DNAH9: variants seen among roughly 807,000 people sequenced by gnomAD.
DNAH9 encodes dynein axonemal heavy chain 9.
A neutral mutation model predicts 471.6 loss-of-function variants in DNAH9; 345 were observed. That is an observed-to-expected ratio of 0.73 (90% CI 0.67 to 0.80). The LOEUF (loss-of-function observed/expected upper bound fraction) is 0.80, where lower values mean the gene tolerates loss of function less well. Among genes scored for constraint, DNAH9 ranks in the 30% least tolerant of loss-of-function variants. The probability of loss-of-function intolerance (pLI) is 0.00; values close to 1 mark genes in which losing one functional copy is unlikely to be tolerated. For missense variants in DNAH9, 5,407 were observed against 5,609.2 expected (o/e 0.96, Z 1.15); for synonymous variants, 2,093 against 2,123.6 (o/e 0.99, Z 0.40).
intron 28 of DNAH9, among the ~76,000 whole-genome samples, chr17:11,730,930 GTGGTGATGACGGTGA>G (rs1389977803): frequency 1.5e-5 from 2 of 130,158 alleles, no homozygotes; most frequent in Admixed American, 8.9e-5. Flanking sequence ...GATGGTGGTG[GTGGTGATGACGGTGA>G]TGATGATGAT....
At chr17:11,617,059 C>T (rs907036157) in intron 4 of DNAH9, among the ~76,000 whole-genome samples, 8 of 152,264 alleles carry the variant, frequency 5.3e-5, no homozygotes, top group African/African-American at 1.4e-4. Context: ...CCAAGCGTCT[C>T]GGCCAGCATT....
Position 11,822,526 on chromosome 17 carries a change from G to T in DNAH9, c.8939G>T (p.Trp2980Leu). 6.2e-7 allele frequency: 1 copy of T among 1,614,168 alleles called. No homozygotes were observed. The highest frequency in any genetic ancestry group is 1.7e-5 in the Admixed American group (1 of 60,016). Reference sequence around the variant, plus strand: ...ATTGTGAACTGCACAGCCATCCACTGGTTCCACGAGTGGCCTCAGCAAGCA... The same window carrying T: ...ATTGTGAACTGCACAGCCATCCACTTGTTCCACGAGTGGCCTCAGCAAGCA... Reference protein sequence around the residue: ...PAIVNCTAIHWFHEWPQQALE... With the variant: ...PAIVNCTAIHLFHEWPQQALE... Residue 2980 changes from tryptophan to leucine, a missense_variant, in exon 47 of 69, where the codon TGG (tryptophan) becomes TTG (leucine). Around this residue, in one of 3 missense-constraint regions of DNAH9, gnomAD observed 4,636 missense variants for 4,900.3 expected, o/e 0.95. Transcript: ENST00000262442.
Position 11,704,315 on chromosome 17 carries a change from C to A in DNAH9, c.5264C>A (p.Ala1755Asp). 1.2e-6 allele frequency: 2 copies of A among 1,614,150 alleles called. No individual in the cohort carries two copies. Among genetic ancestry groups the A allele is most frequent in the Non-Finnish European group, 8.5e-7 (1 of 1,180,020 alleles). ...AMKDYYKKQV[A>D]QLKTLITMLI... Reference sequence around the variant, plus strand: ...AAGGACTATTATAAGAAGCAAGTGGCCCAGCTCAAAACCCTTATCACCATG... The same window carrying A: ...AAGGACTATTATAAGAAGCAAGTGGACCAGCTCAAAACCCTTATCACCATG... Residue 1755 changes from alanine (A) to aspartate (D), a missense_variant, in exon 25 of 69, where the codon GCC (alanine) becomes GAC (aspartate). Transcript: ENST00000262442.
At chr17:11,656,016 A>G (rs1190448132) in intron 14 of DNAH9, among the ~76,000 whole-genome samples, 1 of 152,192 alleles carries the variant, frequency 6.6e-6, no homozygotes, top group Non-Finnish European at 1.5e-5. Context: ...TTGTACTGCT[A>G]TAAACGGGCC....
chr17:11,615,344 G>A (rs2072719785), intron 4 of DNAH9, among the ~76,000 whole-genome samples: 1 of 152,108 alleles, frequency 6.6e-6, no homozygotes, highest in South Asian at 2.1e-4. Flanking sequence ...CAGCACTTTG[G>A]GAGGCTGAGG....
At chr17:11,888,145 G>T (rs1338872350) in intron 57 of DNAH9, among the ~76,000 whole-genome samples, 2 of 151,870 alleles carry the variant, frequency 1.3e-5, no homozygotes, top group African/African-American at 4.8e-5. Context: ...ACCGCACCTG[G>T]CTAATTTTTT....
At chr17:11,718,987 A>ACAGTGTGTCCC (rs985252963) in intron 26 of DNAH9, among the ~76,000 whole-genome samples, 1 of 152,162 alleles carries the variant, frequency 6.6e-6, no homozygotes, top group African/African-American at 2.4e-5. Context: ...AGGATCAGGG[A>ACAGTGTGTCCC]CAAGCTCAGT....
At chr17:11,707,386 T>C (rs2074722216) in intron 26 of DNAH9, among the ~76,000 whole-genome samples, 1 of 152,228 alleles carries the variant, frequency 6.6e-6, no homozygotes, top group Non-Finnish European at 1.5e-5. Flanking sequence ...TCCAAGTATT[T>C]GATAAATATT....
chr17:11,773,519 A>C (rs1198766968), intron 38 of DNAH9, among the ~76,000 whole-genome samples: 1 of 151,984 alleles, frequency 6.6e-6, no homozygotes, highest in African/African-American at 2.4e-5. Context: ...AAATATATAA[A>C]AATTTACTCA....
At chr17:11,941,588 G>A (rs925056859) in intron 66 of DNAH9, among the ~76,000 whole-genome samples, 2 of 152,112 alleles carry the variant, frequency 1.3e-5, no homozygotes. Context: ...AAAGAATCGT[G>A]GGGTACAACA....
intron 29 of DNAH9, among the ~76,000 whole-genome samples, chr17:11,741,169 G>C (rs2075428068): frequency 6.6e-6 from 1 of 152,108 alleles, no homozygotes; most frequent in Non-Finnish European, 1.5e-5. Context: ...GTGCTCGAAT[G>C]AAATGTTTTT....
intron 32 of DNAH9, among the ~76,000 whole-genome samples, chr17:11,750,864 C>T (rs1967115460): frequency 1.3e-5 from 2 of 151,866 alleles, no homozygotes; most frequent in Non-Finnish European, 2.9e-5. Flanking sequence ...TCAAACTAAA[C>T]ACAAAGAAAA....
intron 50 of DNAH9, among the ~76,000 whole-genome samples, chr17:11,860,882 T>G (rs567816159): frequency 2.6e-5 from 4 of 152,254 alleles, no homozygotes; most frequent in African/African-American, 9.6e-5. Context: ...TGTTTTATGC[T>G]TTTGTCTGGT....
intron 61 of DNAH9, among the ~76,000 whole-genome samples, chr17:11,922,093 T>A (rs11868379): frequency 1.3e-5 from 2 of 152,214 alleles, no homozygotes; most frequent in African/African-American, 4.8e-5. Context: ...TTAATAACGG[T>A]GTTTCTTGGG....
intron 24 of DNAH9, among the ~76,000 whole-genome samples, chr17:11,702,818 C>T (rs1344536917): frequency 1.3e-5 from 2 of 152,010 alleles, no homozygotes; most frequent in African/African-American, 2.4e-5. Flanking sequence ...AGTGGCTGGG[C>T]GTGATGGCTC....
At chr17:11,688,860 G>T (rs972424153) in intron 19 of DNAH9, among the ~76,000 whole-genome samples, 8 of 152,080 alleles carry the variant, frequency 5.3e-5, no homozygotes, top group Non-Finnish European at 1.2e-4. Context: ...CACTTTTGGA[G>T]GCCAAGGCGG....
At position 11,653,563 on chromosome 17, in the gene DNAH9, G is replaced by T. The variant is rs923820023; in HGVS notation, c.2595+561G>T. On this transcript the variant is annotated intron_variant, in intron 14 of 68. Transcript: ENST00000262442. ...AAGCTTCCTTGTGAACAATGGGAAA[G>T]GATTATAAATGGCCACCAGCTCCAG... 2.6e-5 allele frequency among the ~76,000 whole-genome samples: 4 copies of T among 152,152 alleles called. No individual in the cohort carries two copies. In the South Asian group the frequency reaches 6.2e-4, roughly 24 times the overall value.
intron 49 of DNAH9, among the ~76,000 whole-genome samples, chr17:11,848,453 A>G (rs1285900407): frequency 2.0e-5 from 3 of 151,962 alleles, no homozygotes; most frequent in Admixed American, 1.3e-4. Flanking sequence ...GGGAGTGCAT[A>G]TAGGTTATCT....
At chr17:11,832,536 T>C (rs1288981201) in intron 48 of DNAH9, among the ~76,000 whole-genome samples, 2 of 152,360 alleles carry the variant, frequency 1.3e-5, no homozygotes, top group African/African-American at 4.8e-5. Flanking sequence ...AACTTGTGAA[T>C]GTAAGACAAG....
Sources: gnomAD v4.1 joint callset for allele counts (sites outside exome capture counted in the v4.1 genomes callset) on GRCh38, gnomAD v4.1.1 for gene constraint, gnomAD v4.1.1 regional missense constraint, MANE v1.5 for transcripts, NCBI Gene and HGNC (gene_info 2026-07-23, HGNC 2026-07-21) for gene names.